Variants in MASP2 observed in about 807,000 individuals in gnomAD.
The protein encoded by MASP2 is mannan-binding lectin serine protease 2.
A neutral mutation model predicts 57.1 loss-of-function variants in MASP2; 49 were observed. That is an observed-to-expected ratio of 0.86 (90% CI 0.68 to 1.09). The LOEUF (loss-of-function observed/expected upper bound fraction) is 1.09, where lower values mean the gene tolerates loss of function less well. Ranked by LOEUF, MASP2 falls within the 50% of genes least tolerant of loss-of-function variation. MASP2 has a pLI of 0.00. For synonymous variants in MASP2, 379 were observed against 340.8 expected, an observed-to-expected ratio of 1.11 and a Z score of -1.24; for missense variants, 900 against 874.8, an observed-to-expected ratio of 1.03 and a Z score of -0.36.
At chr1:11,040,697 AGATGGATG>A (rs766563381) in intron 6 of MASP2, among the ~76,000 whole-genome samples, 1 of 150,364 alleles carries the variant, frequency 6.7e-6, no homozygotes, top group East Asian at 2.0e-4. Context: ...ACAGCTGGAA[AGATGGATG>A]GATGGATGGA....
intron 6 of MASP2, among the ~76,000 whole-genome samples, chr1:11,040,577 G>A (rs1234077118): frequency 6.6e-6 from 1 of 150,578 alleles, no homozygotes; most frequent in Non-Finnish European, 1.5e-5. Context: ...AGGATTGGTA[G>A]GTAGAATAAT....
At chr1:11,045,133 C>T (rs746949947) in intron 4 of MASP2, 13 of 745,888 alleles carry the variant, frequency 1.7e-5, no homozygotes, top group South Asian at 1.1e-4. Flanking sequence ...CCGACTCTCC[C>T]GTGGCTACAT....
chr1:11,031,328 C>G (rs930289656), intron 8 of MASP2, among the ~76,000 whole-genome samples: 1 of 151,718 alleles, frequency 6.6e-6, no homozygotes, highest in African/African-American at 2.4e-5. Flanking sequence ...TGGAGACCAT[C>G]CTGGCTAACA....
At chr1:11,043,291 G>C (rs72550852) in intron 5 of MASP2, 48 bp downstream of exon 5, 23,896 of 1,519,092 alleles carry the variant, frequency 0.016, 296 homozygotes, top group South Asian at 0.042. Context: ...GGTGCAGCTG[G>C]GCTGAGGGGG....
Position 11,047,043 on chromosome 1 carries a change from C to A in MASP2, c.82G>T (p.Gly28Trp). 6.4e-7 allele frequency: 1 copy of A among 1,551,122 alleles called. No individual in the cohort carries two copies. The highest frequency in any genetic ancestry group is 8.7e-7 in the Non-Finnish European group (1 of 1,147,238). ...GGAAAGCCGGGGGATGCCAGGCGCC[C>A]GAACACAGGTTCAGGCCACTTCGGG... Reference protein sequence around the residue: ...LGPKWPEPVFGRLASPGFPGE... With the variant: ...LGPKWPEPVFWRLASPGFPGE... The change falls in exon 2 of 11, where the codon GGG becomes TGG. Residue 28 changes from glycine to tryptophan, a missense_variant. By Grantham distance (184) the Gly-to-Trp change is radical (BLOSUM62 -2). Transcript: ENST00000400897.
chr1:11,039,114 G>A (rs1638335522), intron 6 of MASP2, among the ~76,000 whole-genome samples: 2 of 151,830 alleles, frequency 1.3e-5, no homozygotes, highest in South Asian at 4.1e-4. Context: ...TTCAAGGATA[G>A]CTTCCTAGCT....
At position 11,034,832 on chromosome 1, in the gene MASP2, G is replaced by A; in HGVS notation, c.1083C>T (p.Cys361=). Residue 361 remains cysteine, a synonymous_variant, in exon 8 of 11, where the codon TGC becomes TGT. Transcript: ENST00000400897. ...GTAGTCACCACACGACCGTACTGCTGCACGCGGGCATTGGCCGGTCCCAAG... is the reference window on the plus strand; with the variant it reads ...GTAGTCACCACACGACCGTACTGCTACACGCGGGCATTGGCCGGTCCCAAG... ...DGSWDRPMPA[C]SIVDCGPPDD... 1 of 1,611,316 alleles carries A rather than the reference G, an allele frequency of 6.2e-7. No homozygotes were observed.
rs35642467 is a variant in MASP2, at chr1:11,036,510, C to CAAAAAAAAAAAAAA, written c.1008+1169_1008+1182dup. ...TGGGCGACAGAGCGAGACTCCGTCT[C>CAAAAAAAAAAAAAA]AAAAAAAAAAAAAAAAAAAAAAAAA... On this transcript the variant is annotated intron_variant, in intron 7 of 10. Transcript: ENST00000400897. Among the ~76,000 whole-genome samples, 313 of 54,402 alleles carry CAAAAAAAAAAAAAA rather than the reference C, an allele frequency of 5.8e-3. 1 individual carries two copies. The highest frequency in any genetic ancestry group is 8.4e-3 in the East Asian group (11 of 1,306). 35.7% of individuals were successfully genotyped at this position (54,402 alleles called of 152,430 possible). A position where few individuals can be genotyped will look rare whatever the true frequency, so the allele number is the denominator to read the frequency against.
chr1:11,027,190 TTAGATTTC>T lies in MASP2; in HGVS notation c.1748_1755del (p.Arg583AsnfsTer9). 1 of 1,614,214 alleles carries T rather than the reference TTAGATTTC, an allele frequency of 6.2e-7. No homozygotes were observed. Among genetic ancestry groups the T allele is most frequent in the Non-Finnish European group, 8.5e-7 (1 of 1,180,044 alleles). ...TCAACAATCGGTATGTCGACATACA[TTAGATTTC>T]TAGCAAGAAAACCCCTTTGGGTTAA... On this transcript the variant is annotated frameshift_variant, in exon 11 of 11. Coordinates refer to ENST00000400897, the MANE Select transcript of MASP2 (RefSeq NM_006610.4). LOFTEE classifies it high-confidence loss of function.
chr1:11,029,997 A>G (rs1484876053), intron 10 of MASP2, 179 bp downstream of exon 10: 7 of 532,378 alleles, frequency 1.3e-5, no homozygotes, highest in East Asian at 3.3e-5. Context: ...GTCAGCACCT[A>G]ACAACCTCTG....
Position 11,037,490 on chromosome 1 carries a change from C to T in MASP2, c.1008+203G>A, listed in dbSNP as rs116685064. Among the ~76,000 whole-genome samples, 850 of 152,108 alleles carry T rather than the reference C, an allele frequency of 5.6e-3. 18 individuals are homozygous for T. Among genetic ancestry groups the T allele is most frequent in the Admixed American group, 0.031 (472 of 15,272 alleles). ...GTATAAAGAAAGAAAGAAAAAAGGG[C>T]GGGATTCAGAATCACATTTTCCATA... is the stretch of plus-strand genomic sequence containing the variant. On this transcript the variant is annotated intron_variant, in intron 7 of 10. Transcript: ENST00000400897.
At chr1:11,033,961 ACACACT>A (rs1308331166) in intron 8 of MASP2, among the ~76,000 whole-genome samples, 11 of 18,018 alleles carry the variant, frequency 6.1e-4, no homozygotes, top group South Asian at 3.2e-3. Flanking sequence ...ACACACACAC[ACACACT>A]CTCTCTCTCT....
chr1:11,034,812 C>T lies in MASP2; in HGVS notation c.1087+16G>A. The T allele has an allele frequency of 6.3e-7, 1 of 1,592,236 alleles. No individual in the cohort carries two copies. Among genetic ancestry groups the T allele is most frequent in the South Asian group, 1.1e-5 (1 of 88,280 alleles). The stretch of plus-strand genomic sequence containing the variant: ...TCCGGGCGGTTATGGGGCCTGTAGT[C>T]ACCACACGACCGTACTGCTGCACGC... On this transcript the variant is annotated intron_variant, in intron 8 of 10. Transcript: ENST00000400897.
At chr1:11,028,503 G>A (rs1480318883) in intron 10 of MASP2, among the ~76,000 whole-genome samples, 1 of 152,092 alleles carries the variant, frequency 6.6e-6, no homozygotes, top group Admixed American at 6.5e-5. Context: ...TGGTCTAGTT[G>A]ATTCTTCCAA....
chr1:11,035,765 G>A (rs763605902), intron 7 of MASP2, among the ~76,000 whole-genome samples: 1 of 151,754 alleles, frequency 6.6e-6, no homozygotes, highest in Admixed American at 6.6e-5. Flanking sequence ...GCGTGTTGGC[G>A]CTTGCCTGTA....
chr1:11,035,225 A>G (rs1643878515), intron 7 of MASP2, among the ~76,000 whole-genome samples: 1 of 152,106 alleles, frequency 6.6e-6, no homozygotes, highest in Non-Finnish European at 1.5e-5. Context: ...CCCTAATACA[A>G]AAACATATCA....
intron 5 of MASP2, 25 bp from the exon 6 acceptor site, chr1:11,043,047 G>C (rs376605936): frequency 1.9e-6 from 3 of 1,611,304 alleles, no homozygotes. Context: ...CATGAAAGCT[G>C]GGGAGCAGCT....
Position 11,033,790 on chromosome 1 carries a change from G to A in MASP2, c.1087+1038C>T, listed in dbSNP as rs1443141444. Among the ~76,000 whole-genome samples, 8 of 150,964 alleles carry A rather than the reference G, an allele frequency of 5.3e-5. No homozygotes were observed. The South Asian group carries it at 6.3e-4, about 12-fold the overall frequency. ...TACCAAAAAAATACAAAAATTAGCCGTGCGTGGTGGCATGTGCCTGTAATC... is the reference window on the plus strand; with the variant it reads ...TACCAAAAAAATACAAAAATTAGCCATGCGTGGTGGCATGTGCCTGTAATC... On this transcript the variant is annotated intron_variant, in intron 8 of 10. Transcript: ENST00000400897.
At chr1:11,028,711 T>TTG (rs1643786289) in intron 10 of MASP2, among the ~76,000 whole-genome samples, 1 of 145,490 alleles carries the variant, frequency 6.9e-6, no homozygotes, top group South Asian at 2.2e-4. Flanking sequence ...TTTTTCTTTT[T>TTG]TTTTTTTTTT....
Sources: gnomAD v4.1 joint callset for allele counts (sites outside exome capture counted in the v4.1 genomes callset) on GRCh38, gnomAD v4.1.1 for gene constraint, MANE v1.5 for transcripts, NCBI Gene and HGNC (gene_info 2026-07-23, HGNC 2026-07-21) for gene names.